RHOQ: variants seen among roughly 807,000 people sequenced by gnomAD.
RHOQ encodes the protein ras homolog family member Q.
Under a neutral mutation model 25.8 loss-of-function variants are expected in RHOQ, and 7 were observed. That is an observed-to-expected ratio of 0.27 (90% CI 0.15 to 0.51). The LOEUF is 0.51. Among genes scored for constraint, RHOQ ranks in the 20% least tolerant of loss-of-function variants. The probability of loss-of-function intolerance (pLI) is 0.97; values close to 1 mark genes in which losing one functional copy is unlikely to be tolerated. For missense variants in RHOQ, 165 were observed against 260.6 expected (o/e 0.63, Z 2.53); for synonymous variants, 97 against 98.6 (o/e 0.98, Z 0.10).
At chr2:46,560,068 T>A (rs894024742) in intron 2 of RHOQ, among the ~76,000 whole-genome samples, 3 of 152,152 alleles carry the variant, frequency 2.0e-5, no homozygotes, top group African/African-American at 7.2e-5. Flanking sequence ...AAAAGCAAAC[T>A]CGTTCCACCC....
intron 2 of RHOQ, among the ~76,000 whole-genome samples, chr2:46,553,022 A>C (rs966261460): frequency 2.6e-5 from 4 of 152,228 alleles, no homozygotes; most frequent in East Asian, 3.8e-4. Flanking sequence ...ACTGGTTCTC[A>C]AAGTGTGATC....
intron 2 of RHOQ, among the ~76,000 whole-genome samples, chr2:46,561,177 A>G (rs945879754): frequency 6.6e-5 from 10 of 151,826 alleles, no homozygotes; most frequent in South Asian, 2.1e-4. Flanking sequence ...ATGTGTGTGT[A>G]TATATATATG....
Position 46,548,001 on chromosome 2 carries a change from G to T in RHOQ, c.201+4189G>T, listed in dbSNP as rs1356163629. Among the ~76,000 whole-genome samples the T allele has an allele frequency of 6.6e-6, 1 of 152,318 alleles. No homozygotes were observed. Among genetic ancestry groups the T allele is most frequent in the East Asian group, 1.9e-4 (1 of 5,184 alleles). ...TGAAGCCCAGTTTATTCAGGTCCCA[G>T]AATATCCACACTCAGGAGGATGTGT... is the stretch of plus-strand genomic sequence containing the variant. On this transcript the variant is annotated intron_variant, in intron 2 of 4. Transcript: ENST00000238738. The surrounding 1 kb of genome is among the most constrained non-coding windows in gnomAD (Gnocchi z 5.2).
chr2:46,550,660 C>G (rs983919224), intron 2 of RHOQ, among the ~76,000 whole-genome samples: 42 of 152,242 alleles, frequency 2.8e-4, no homozygotes, highest in Non-Finnish European at 5.0e-4. Flanking sequence ...CATCGGCCAG[C>G]CGGCTCACTT....
rs1388823895 is a variant in RHOQ, at chr2:46,581,132, A to G, written c.*49A>G. ...AACTGTCCATTTCTCTCAGAAAGCA[A>G]ATGAAATGCTACAGCTATACCCAGA... On this transcript the variant is annotated 3_prime_UTR_variant, in exon 5 of 5. Coordinates refer to ENST00000238738, the MANE Select transcript of RHOQ (RefSeq NM_012249.4). 1 of 1,402,336 alleles carries G rather than the reference A, an allele frequency of 7.1e-7. No homozygotes were observed. The highest frequency in any genetic ancestry group is 1.4e-5 in the African/African-American group (1 of 69,040). The allele number at this position is 1,402,336 out of a possible 1,614,324, so 86.9% of individuals were successfully genotyped here. A position where few individuals can be genotyped will look rare whatever the true frequency, so the allele number is the denominator to read the frequency against.
At chr2:46,543,316 A>G in intron 1 of RHOQ, 128 bp downstream of exon 1, 1 of 935,270 alleles carries the variant, frequency 1.1e-6, no homozygotes, top group Non-Finnish European at 1.5e-6. Context: ...GCCCTCTGCC[A>G]GGCGGCCGGC....
At position 46,566,490 on chromosome 2, in the gene RHOQ, T is replaced by C. The variant is rs1423992888; in HGVS notation, c.202-9597T>C. ...CCATTTCTCTAGCTGTCAACTGCTGTCCCTTAGTCTAAGCTTCCATCTTCT... is the reference window on the plus strand; with the variant it reads ...CCATTTCTCTAGCTGTCAACTGCTGCCCCTTAGTCTAAGCTTCCATCTTCT... On this transcript the variant is annotated intron_variant, in intron 2 of 4. Coordinates refer to ENST00000238738, the MANE Select transcript of RHOQ (RefSeq NM_012249.4). This position sits in a 1 kb window ranked among gnomAD's most constrained non-coding sequence, Gnocchi z 4.2. 6.6e-6 allele frequency among the ~76,000 whole-genome samples: 1 copy of C among 152,214 alleles called. No homozygotes were observed. The highest frequency in any genetic ancestry group is 1.5e-5 in the Non-Finnish European group (1 of 68,038).
intron 2 of RHOQ, among the ~76,000 whole-genome samples, 162 bp downstream of exon 2, chr2:46,543,974 AAAAC>A (rs1291893466): frequency 6.6e-6 from 1 of 152,144 alleles, no homozygotes. Context: ...GCAAATTAGG[AAAAC>A]AAACAAAACA....
chr2:46,560,750 C>G, intron 2 of RHOQ: 1 of 347,496 alleles, frequency 2.9e-6, no homozygotes, highest in Non-Finnish European at 6.0e-6. Flanking sequence ...TGCGTAGAGT[C>G]TGTATAGACC....
chr2:46,543,940 G>C, intron 2 of RHOQ, 128 bp downstream of exon 2: 1 of 712,856 alleles, frequency 1.4e-6, no homozygotes, highest in South Asian at 1.7e-5. Context: ...CCTGGATTAG[G>C]TCTTTATTTC....
At chr2:46,561,058 C>T (rs141816617) in intron 2 of RHOQ, among the ~76,000 whole-genome samples, 1 of 150,350 alleles carries the variant, frequency 6.7e-6, no homozygotes, top group African/African-American at 2.5e-5. Flanking sequence ...TGTATATAGA[C>T]ATATATCTCT....
rs748792572 is a variant in RHOQ at position 46,581,042 on chromosome 2, A to C, written c.577A>C (p.Arg193=). ...TCCAAAGAAACACACTGTAAAAAAA[A>C]GAATAGGATCAAGATGTATAAACTG... ...LTPKKHTVKK[R]IGSRCINCCL... is the part of the protein sequence containing the mutation. The change falls in exon 5 of 5, where the codon AGA becomes CGA. Residue 193 remains arginine (R), a synonymous_variant. Transcript: ENST00000238738. 1.6e-5 allele frequency: 25 copies of C among 1,583,420 alleles called. No homozygotes were observed. In the South Asian group the frequency reaches 2.8e-4, roughly 18 times the overall value.
At chr2:46,558,729 C>T (rs1668476990) in intron 2 of RHOQ, among the ~76,000 whole-genome samples, 1 of 152,120 alleles carries the variant, frequency 6.6e-6, no homozygotes. Flanking sequence ...CTTTTGTTAC[C>T]CTGGAACTTC....
chr2:46,579,534 G>A (rs11674127), intron 4 of RHOQ, among the ~76,000 whole-genome samples: 5,086 of 152,222 alleles, frequency 0.033, 142 homozygotes, highest in Non-Finnish European at 0.046. Context: ...TACCCTCCAA[G>A]CCTGTCCTCC....
chr2:46,543,209 C>A, intron 1 of RHOQ, 21 bp downstream of exon 1: 4 of 1,610,696 alleles, frequency 2.5e-6, no homozygotes, highest in South Asian at 1.1e-5. Context: ...GAACTGCTGA[C>A]TAAGGGGCCG....
chr2:46,572,111 T>G (rs1420560880), intron 2 of RHOQ, among the ~76,000 whole-genome samples: 68 of 128,776 alleles, frequency 5.3e-4, no homozygotes, highest in Non-Finnish European at 8.1e-5. Context: ...GTGTGTGTTT[T>G]TTTTTTTTTT....
chr2:46,575,399 TCA>T (rs56002979), intron 2 of RHOQ, among the ~76,000 whole-genome samples: 21,219 of 138,086 alleles, frequency 0.15, 1,508 homozygotes, highest in East Asian at 0.2. Context: ...CTTTAAATCT[TCA>T]CACACACACA....
chr2:46,582,394 G>GTGTT lies in RHOQ; in HGVS notation c.*1312_*1315dup, dbSNP rs1283749863. 3 of 152,122 alleles carry GTGTT rather than the reference G, an allele frequency of 2.0e-5. No individual in the cohort carries two copies. The highest frequency in any genetic ancestry group is 3.8e-4 in the East Asian group (2 of 5,196). The allele number at this position is 152,122 out of a possible 1,614,324, so 9.4% of individuals were successfully genotyped here. On this transcript the variant is annotated 3_prime_UTR_variant, in exon 5 of 5. Transcript: ENST00000238738. ...TCTGGGGGGAACAGGCCACAGAACT[G>GTGTT]TGTTAGAGGTGAACCATCTTAATTA...
chr2:46,551,230 G>A (rs989202198), intron 2 of RHOQ, among the ~76,000 whole-genome samples: 8 of 152,178 alleles, frequency 5.3e-5, no homozygotes, highest in Admixed American at 4.6e-4. Flanking sequence ...CAGCCCTCAG[G>A]GCAGCTGGGT....
Sources: gnomAD v4.1 joint callset for allele counts (sites outside exome capture counted in the v4.1 genomes callset) on GRCh38, gnomAD v4.1.1 for gene constraint, Gnocchi (gnomAD v3.1) non-coding constraint, MANE v1.5 for transcripts, NCBI Gene and HGNC (gene_info 2026-07-23, HGNC 2026-07-21) for gene names.